NFASC: variants seen among roughly 807,000 people sequenced by gnomAD.
NFASC encodes neurofascin.
A neutral mutation model predicts 147.5 loss-of-function variants in NFASC; 43 were observed. The observed-to-expected ratio is 0.29, with a 90% CI of 0.23 to 0.38. NFASC has a LOEUF of 0.38. NFASC is among the 10% of genes least tolerant of loss of function. The probability of loss-of-function intolerance (pLI) is 1.00; values close to 1 mark genes in which losing one functional copy is unlikely to be tolerated. For synonymous variants in NFASC, 622 were observed against 665.5 expected, an observed-to-expected ratio of 0.93 and a Z score of 1.01; for missense variants, 1,320 against 1,689.0, an observed-to-expected ratio of 0.78 and a Z score of 3.83.
chr1:204,845,207 T>G (rs1676627887), intron 1 of NFASC, among the ~76,000 whole-genome samples: 1 of 151,684 alleles, frequency 6.6e-6, no homozygotes, highest in African/African-American at 2.4e-5. Context: ...TGGCGGTGTA[T>G]GTCCGAGATG....
chr1:204,893,799 G>A (rs2082864531), intron 1 of NFASC, among the ~76,000 whole-genome samples: 2 of 152,170 alleles, frequency 1.3e-5, no homozygotes, highest in African/African-American at 4.8e-5. Flanking sequence ...CTCTTATTCA[G>A]TAAGTCCATT....
At chr1:204,988,996 C>T (rs567406857) in intron 23 of NFASC, 190 bp downstream of exon 23, 11 of 618,102 alleles carry the variant, frequency 1.8e-5, no homozygotes, top group South Asian at 1.2e-4. Flanking sequence ...TGGAGCTCAG[C>T]TCTCCTTGGA....
chr1:204,892,282 G>A (rs2082560396), intron 1 of NFASC, among the ~76,000 whole-genome samples: 1 of 152,180 alleles, frequency 6.6e-6, no homozygotes, highest in Non-Finnish European at 1.5e-5. Context: ...AGCAAATGTA[G>A]CAACACTGTC....
intron 1 of NFASC, among the ~76,000 whole-genome samples, chr1:204,868,109 T>C (rs1423969292): frequency 1.3e-5 from 2 of 152,254 alleles, no homozygotes; most frequent in Non-Finnish European, 2.9e-5. Context: ...ATGGGGATTA[T>C]GCACCCAGGG....
At chr1:204,985,786 G>T in intron 21 of NFASC, 1 of 662,946 alleles carries the variant, frequency 1.5e-6, no homozygotes. Context: ...GGATAGGACT[G>T]ATGAGGTCAT....
At chr1:204,857,727 A>G (rs2076281606) in intron 1 of NFASC, among the ~76,000 whole-genome samples, 1 of 152,144 alleles carries the variant, frequency 6.6e-6, no homozygotes, top group African/African-American at 2.4e-5. Flanking sequence ...AAAGTACCAC[A>G]ACCCTGGTGG....
chr1:205,002,821 G>C (rs573442441), intron 27 of NFASC, 73 bp downstream of exon 27: 1 of 1,221,320 alleles, frequency 8.2e-7, no homozygotes, highest in African/African-American at 1.5e-5. Context: ...CTTCCTGCTT[G>C]CCTCTCTCCT....
At chr1:204,984,388 T>TATATATATATATGC (rs1399445269) in intron 21 of NFASC, 1 of 72,966 alleles carries the variant, frequency 1.4e-5, no homozygotes, top group East Asian at 3.7e-4. Context: ...TACGCATATA[T>TATATATATATATGC]ATATATATAT....
chr1:204,886,310 TA>T (rs1045113630), intron 1 of NFASC, among the ~76,000 whole-genome samples: 2 of 152,152 alleles, frequency 1.3e-5, no homozygotes, highest in East Asian at 1.9e-4. Context: ...TTATGATTTT[TA>T]AAAAAAATTA....
chr1:204,980,351 GTGTC>G lies in NFASC; in HGVS notation c.2177-15_2177-12del. The G allele has an allele frequency of 6.2e-7, 1 of 1,610,010 alleles. No individual in the cohort carries two copies. The highest frequency in any genetic ancestry group is 8.5e-7 in the Non-Finnish European group (1 of 1,176,806). ...AAAGGCACAAATTGGACTTGAGCCT[GTGTC>G]TGTTTGGGTTCCAGCCCCCGAGTCC... On this transcript the variant is annotated splice_polypyrimidine_tract_variant and intron_variant, in intron 19 of 29. Transcript: ENST00000339876.
At chr1:204,948,772 A>C in intron 3 of NFASC, 1 of 515,386 alleles carries the variant, frequency 1.9e-6, no homozygotes, top group Non-Finnish European at 3.9e-6. Context: ...AGAGGCTTGA[A>C]GTCTTGAATA....
intron 3 of NFASC, among the ~76,000 whole-genome samples, chr1:204,949,139 C>T (rs1383482956): frequency 3.3e-5 from 5 of 152,210 alleles, no homozygotes; most frequent in Admixed American, 6.5e-5. Context: ...AGGGGCCACA[C>T]GAAATAATTA....
At position 204,925,255 on chromosome 1, in the gene NFASC, A is replaced by C. The variant is rs542652711; in HGVS notation, c.-91+4515A>C. On this transcript the variant is annotated intron_variant, in intron 2 of 29. Coordinates refer to ENST00000339876, the MANE Select transcript of NFASC (RefSeq NM_001005388.3). ...CATTAATTCATTTAGGAATTGTCAC[A>C]GCAACCTTGTAATAAATAAGTGCAT... Among the ~76,000 whole-genome samples the C allele has an allele frequency of 2.0e-5, 3 of 152,350 alleles. No individual in the cohort carries two copies. The South Asian group carries it at 6.2e-4, about 32-fold the overall frequency.
intron 1 of NFASC, among the ~76,000 whole-genome samples, chr1:204,910,703 A>G (rs965915077): frequency 3.3e-5 from 5 of 151,948 alleles, no homozygotes; most frequent in South Asian, 2.1e-4. Context: ...AGATCTTGCT[A>G]TGTTATCCAG....
intron 10 of NFASC, among the ~76,000 whole-genome samples, chr1:204,970,283 C>T (rs1273296335): frequency 6.6e-6 from 1 of 152,178 alleles, no homozygotes; most frequent in Non-Finnish European, 1.5e-5. Context: ...ATCTGCCACC[C>T]AGGCCTCCTG....
intron 2 of NFASC, among the ~76,000 whole-genome samples, chr1:204,930,866 G>T (rs1482280053): frequency 6.6e-6 from 1 of 152,218 alleles, no homozygotes; most frequent in African/African-American, 2.4e-5. Flanking sequence ...CTGGTGTGGG[G>T]ATATAGGAGG....
At chr1:204,839,237 G>T (rs186122865) in intron 1 of NFASC, among the ~76,000 whole-genome samples, 1 of 152,270 alleles carries the variant, frequency 6.6e-6, no homozygotes, top group Non-Finnish European at 1.5e-5. Flanking sequence ...GTGTGCACAT[G>T]AATACAAATA....
intron 4 of NFASC, 104 bp downstream of exon 4, chr1:204,950,678 G>T: frequency 1.9e-6 from 2 of 1,050,256 alleles, no homozygotes; most frequent in Non-Finnish European, 1.5e-6. Flanking sequence ...TTCTGCTGGG[G>T]CCTCTTCATA....
At chr1:204,946,895 C>A in intron 3 of NFASC, 1 of 428,458 alleles carries the variant, frequency 2.3e-6, no homozygotes, top group South Asian at 1.6e-5. Flanking sequence ...GTGATGGGAT[C>A]CCACCGCCCC....
Sources: gnomAD v4.1 joint callset for allele counts (sites outside exome capture counted in the v4.1 genomes callset) on GRCh38, gnomAD v4.1.1 for gene constraint, MANE v1.5 for transcripts, NCBI Gene and HGNC (gene_info 2026-07-23, HGNC 2026-07-21) for gene names.